CSMD2: variants seen among roughly 807,000 people sequenced by gnomAD.
The protein encoded by CSMD2 is CUB and Sushi multiple domains 2, also known as CUB and sushi domain-containing protein 2.
A neutral mutation model predicts 398.5 loss-of-function variants in CSMD2; 130 were observed. That is an observed-to-expected ratio of 0.33 (90% confidence interval 0.28 to 0.38). The LOEUF (loss-of-function observed/expected upper bound fraction) is 0.38. Among genes scored for constraint, CSMD2 ranks in the 10% least tolerant of loss-of-function variants. CSMD2 has a pLI of 1.00. For synonymous variants in CSMD2, 1,828 were observed against 1,908.5 expected (o/e 0.96, Z 1.10); for missense variants, 3,829 against 4,764.9 (o/e 0.80, Z 5.78).
At chr1:34,155,501 G>C (rs1361766216) in intron 1 of CSMD2, among the ~76,000 whole-genome samples, 1 of 152,166 alleles carries the variant, frequency 6.6e-6, no homozygotes. Context: ...GGTGGGTGGT[G>C]GTTGGGGAAA....
intron 3 of CSMD2, among the ~76,000 whole-genome samples, chr1:33,958,322 C>T (rs369797483): frequency 1.0e-3 from 154 of 152,272 alleles, no homozygotes; most frequent in African/African-American, 3.7e-3. Flanking sequence ...TGTAAAGCAC[C>T]TCTTCCATGG....
intron 56 of CSMD2, among the ~76,000 whole-genome samples, 139 bp downstream of exon 56, chr1:33,550,016 GACCTTGTCTTGCTGTGCTTTCT>G (rs1455908929): frequency 6.6e-6 from 1 of 152,188 alleles, no homozygotes; most frequent in African/African-American, 2.4e-5. Flanking sequence ...GCTCCATTGG[GACCTTGTCTTGCTGTGCTTTCT>G]ACCTGTTAGG....
At chr1:33,605,847 GCTTATCTC>G (rs1480123257) in intron 41 of CSMD2, 1 of 1,605,014 alleles carries the variant, frequency 6.2e-7, no homozygotes, top group Non-Finnish European at 8.5e-7. Context: ...CTTTCATGTT[GCTTATCTC>G]ATTGAACCTT....
At chr1:33,811,635 T>G (rs1199198550) in intron 9 of CSMD2, among the ~76,000 whole-genome samples, 1 of 152,226 alleles carries the variant, frequency 6.6e-6, no homozygotes, top group East Asian at 1.9e-4. Context: ...CAAGTAGATA[T>G]AAAGTGTTAT....
chr1:33,748,897 G>A (rs534102198), intron 13 of CSMD2, among the ~76,000 whole-genome samples: 1 of 152,144 alleles, frequency 6.6e-6, no homozygotes, highest in East Asian at 1.9e-4. Flanking sequence ...CTTACATTAG[G>A]CTATAAGAAA....
At chr1:33,672,807 T>C (rs1571171752) in intron 25 of CSMD2, among the ~76,000 whole-genome samples, 1 of 152,326 alleles carries the variant, frequency 6.6e-6, no homozygotes, top group African/African-American at 2.4e-5. Flanking sequence ...AGTTCACCAA[T>C]ATCTGCTGTT....
chr1:33,642,494 G>T (rs1259240014), intron 29 of CSMD2, among the ~76,000 whole-genome samples: 1 of 152,176 alleles, frequency 6.6e-6, no homozygotes, highest in Non-Finnish European at 1.5e-5. Context: ...TGTAGCAAGT[G>T]CTCAGAAGGA....
intron 1 of CSMD2, among the ~76,000 whole-genome samples, chr1:34,098,216 G>A (rs1387606377): frequency 1.5e-5 from 2 of 131,650 alleles, no homozygotes; most frequent in African/African-American, 5.7e-5. Context: ...TGAACAATGA[G>A]ATCACATGGA....
chr1:33,927,493 C>T (rs761049617), intron 4 of CSMD2, among the ~76,000 whole-genome samples: 1 of 152,148 alleles, frequency 6.6e-6, no homozygotes, highest in Non-Finnish European at 1.5e-5. Flanking sequence ...TCTTCAAACC[C>T]TCGAGAGCAT....
chr1:33,683,104 G>T (rs1644959101), intron 25 of CSMD2, among the ~76,000 whole-genome samples: 1 of 152,088 alleles, frequency 6.6e-6, no homozygotes, highest in East Asian at 1.9e-4. Flanking sequence ...CTACTTCAAT[G>T]CTTTTATTTC....
chr1:33,812,889 C>G (rs1189348035), intron 9 of CSMD2: 2 of 151,284 alleles, frequency 1.3e-5, no homozygotes, highest in Non-Finnish European at 2.9e-5. Flanking sequence ...TCTGCCTTTC[C>G]TGAAGTTTCT....
At chr1:33,729,209 C>T (rs190466593) in intron 15 of CSMD2, among the ~76,000 whole-genome samples, 3 of 152,306 alleles carry the variant, frequency 2.0e-5, no homozygotes, top group East Asian at 3.9e-4. Context: ...CCACTCAGTG[C>T]ATACATATCA....
intron 5 of CSMD2, among the ~76,000 whole-genome samples, chr1:33,915,239 T>C (rs921064471): frequency 3.9e-5 from 6 of 152,184 alleles, no homozygotes; most frequent in African/African-American, 1.4e-4. Flanking sequence ...CATCCTGAAA[T>C]CTTAATGTAT....
intron 1 of CSMD2, among the ~76,000 whole-genome samples, chr1:34,134,423 A>G (rs1558440847): frequency 1.3e-5 from 2 of 152,252 alleles, no homozygotes; most frequent in East Asian, 1.9e-4. Flanking sequence ...CTACATTACC[A>G]TAGTAACATT....
chr1:33,785,766 T>C (rs1653459980), intron 12 of CSMD2, among the ~76,000 whole-genome samples: 1 of 152,182 alleles, frequency 6.6e-6, no homozygotes, highest in African/African-American at 2.4e-5. Flanking sequence ...ATAATGAACA[T>C]AAAGCTATGG....
At chr1:33,761,126 A>G (rs115404605) in intron 13 of CSMD2, among the ~76,000 whole-genome samples, 1,986 of 152,260 alleles carry the variant, frequency 0.013, 45 homozygotes, top group African/African-American at 0.044. Context: ...TGTCAGCTGC[A>G]TGGGGGTACC....
At chr1:33,700,489 T>C in intron 23 of CSMD2, 28 bp downstream of exon 23, 3 of 1,612,056 alleles carry the variant, frequency 1.9e-6, no homozygotes, top group Non-Finnish European at 2.5e-6. Context: ...CTGACTTCCT[T>C]GTCCACACAG....
At chr1:33,834,166 G>A (rs1234879876) in intron 6 of CSMD2, among the ~76,000 whole-genome samples, 1 of 94,020 alleles carries the variant, frequency 1.1e-5, no homozygotes, top group African/African-American at 5.7e-5. Flanking sequence ...AGTTCATATG[G>A]AACCAAAAAA....
rs57138585 is a variant in CSMD2, at chr1:34,095,922, C to T, written c.188-6729G>A. Among the ~76,000 whole-genome samples, 1,248 of 151,788 alleles carry T rather than the reference C, an allele frequency of 8.2e-3. 14 individuals carry two copies. Among genetic ancestry groups the T allele is most frequent in the African/African-American group, 0.028 (1,135 of 41,118 alleles). ...CTAACTCATTTTATGAGGCCAGCAT[C>T]ATTCTGATACCAAAGCTGGGCAGAG... On this transcript the variant is annotated intron_variant, in intron 1 of 70. Transcript: ENST00000373381.
Sources: allele counts gnomAD v4.1 joint callset (sites outside exome capture counted in the v4.1 genomes callset), GRCh38; gene constraint gnomAD v4.1.1; transcripts MANE v1.5; gene names NCBI Gene and HGNC (gene_info 2026-07-23, HGNC 2026-07-21).